FOXP1: variants seen among roughly 807,000 people sequenced by gnomAD.
FOXP1 encodes forkhead box protein P1.
A neutral mutation model predicts 98.2 loss-of-function variants in FOXP1; 15 were observed. The observed-to-expected ratio is 0.15, with a 90% CI of 0.10 to 0.24. FOXP1 has a LOEUF of 0.24. Ranked by LOEUF, FOXP1 falls within the 10% of genes least tolerant of loss-of-function variation. FOXP1 has a pLI of 1.00. For synonymous variants in FOXP1, 371 were observed against 314.5 expected, an observed-to-expected ratio of 1.18 and a Z score of -1.90; for missense variants, 633 against 848.5, an observed-to-expected ratio of 0.75 and a Z score of 3.15.
In FOXP1 at chr3:71,116,795, C is replaced by T. The variant is rs142774277; in HGVS notation, c.181-4158G>A. On this transcript the variant is annotated intron_variant, in intron 6 of 20. Coordinates refer to ENST00000649528, the MANE Select transcript of FOXP1 (RefSeq NM_001349338.3). ...GGTCTAGATTTTAAATTGTCACATGCAAGGAGAGGCAATAAATCCTTAGTG... is the reference window on the plus strand; with the variant it reads ...GGTCTAGATTTTAAATTGTCACATGTAAGGAGAGGCAATAAATCCTTAGTG... 4.1e-3 allele frequency among the ~76,000 whole-genome samples: 624 copies of T among 152,278 alleles called. 5 individuals are homozygous for T. Among genetic ancestry groups the T allele is most frequent in the African/African-American group, 0.014 (601 of 41,564 alleles).
At chr3:71,345,243 C>T (rs1478342956) in intron 4 of FOXP1, among the ~76,000 whole-genome samples, 1 of 152,026 alleles carries the variant, frequency 6.6e-6, no homozygotes, top group Non-Finnish European at 1.5e-5. Flanking sequence ...CAAAAATTCG[C>T]TGGGTGTGGT....
chr3:71,038,051 T>C (rs934206124), intron 11 of FOXP1, among the ~76,000 whole-genome samples: 1 of 152,202 alleles, frequency 6.6e-6, no homozygotes, highest in Non-Finnish European at 1.5e-5. Flanking sequence ...CTTAACAGAT[T>C]GCAGCTCACC....
At chr3:71,214,129 G>C (rs1160193065) in intron 5 of FOXP1, among the ~76,000 whole-genome samples, 2 of 152,236 alleles carry the variant, frequency 1.3e-5, no homozygotes, top group East Asian at 3.9e-4. Context: ...TGCTTGGTGA[G>C]AGGCAAGTCC....
intron 14 of FOXP1, among the ~76,000 whole-genome samples, chr3:70,980,404 T>A (rs1262534888): frequency 6.6e-6 from 1 of 152,170 alleles, no homozygotes; most frequent in African/African-American, 2.4e-5. Flanking sequence ...TTTGTAAAAA[T>A]CATGTTTTAA....
intron 3 of FOXP1, among the ~76,000 whole-genome samples, chr3:71,430,769 T>G (rs941536310): frequency 2.4e-4 from 36 of 152,270 alleles, no homozygotes; most frequent in Middle Eastern, 3.4e-3. Context: ...GAAAAGAGGC[T>G]TAAACTCTGC....
chr3:71,509,893 A>G (rs1238928008), intron 2 of FOXP1, among the ~76,000 whole-genome samples: 1 of 152,124 alleles, frequency 6.6e-6, no homozygotes, highest in Non-Finnish European at 1.5e-5. Flanking sequence ...AAAAGAAGGA[A>G]TCAGGCCAGG....
At chr3:70,976,510 A>G (rs1353631112) in intron 17 of FOXP1, among the ~76,000 whole-genome samples, 1 of 152,230 alleles carries the variant, frequency 6.6e-6, no homozygotes, top group Non-Finnish European at 1.5e-5. Context: ...TTATCCAACC[A>G]TTGAAGGCTG....
intron 3 of FOXP1, among the ~76,000 whole-genome samples, chr3:71,367,330 C>CCT (rs1212468041): frequency 3.9e-5 from 6 of 152,156 alleles, no homozygotes; most frequent in Admixed American, 3.9e-4. Flanking sequence ...ATACACACTC[C>CCT]CTCTCTCTCA....
At chr3:71,095,256 AT>A (rs1156326212) in intron 7 of FOXP1, among the ~76,000 whole-genome samples, 25 of 152,228 alleles carry the variant, frequency 1.6e-4, no homozygotes, top group African/African-American at 5.8e-4. Context: ...GTTAAAAAAA[AT>A]ATTAGACTGC....
chr3:71,386,577 C>T (rs547118379), intron 3 of FOXP1, among the ~76,000 whole-genome samples: 1 of 152,126 alleles, frequency 6.6e-6, no homozygotes, highest in Non-Finnish European at 1.5e-5. Context: ...CCCGTCTCTA[C>T]TAAAAATACA....
intron 2 of FOXP1, among the ~76,000 whole-genome samples, chr3:71,555,686 A>C (rs116682623): frequency 2.8e-3 from 420 of 152,334 alleles, no homozygotes; most frequent in African/African-American, 9.7e-3. Flanking sequence ...CCATGCATAT[A>C]ATCAACACTT....
In FOXP1 at chr3:70,956,071, A is replaced by AT. The variant is rs202105915; in HGVS notation, c.*3175dup. ...ATACAGTAGTTTTTTTTCCAAAGCT[A>AT]TTTTTTTTTAGTATCGTTAATATAA... On this transcript the variant is annotated 3_prime_UTR_variant, in exon 21 of 21. Transcript: ENST00000649528. The AT allele has an allele frequency of 0.014, 3,231 of 230,126 alleles. 97 individuals carry two copies. Among genetic ancestry groups the AT allele is most frequent in the African/African-American group, 0.063 (2,852 of 45,104 alleles). 14.3% of individuals were successfully genotyped at this position (230,126 alleles called of 1,614,324 possible). A position where few individuals can be genotyped will look rare whatever the true frequency, so the allele number is the denominator to read the frequency against.
chr3:70,961,140 A>T (rs2033375674), intron 20 of FOXP1, among the ~76,000 whole-genome samples: 1 of 151,096 alleles, frequency 6.6e-6, no homozygotes, highest in African/African-American at 2.4e-5. Context: ...CTGCTAAAAA[A>T]ATAATTTCTT....
intron 7 of FOXP1, among the ~76,000 whole-genome samples, chr3:71,065,936 C>G (rs191868228): frequency 3.8e-4 from 58 of 152,076 alleles, no homozygotes; most frequent in Non-Finnish European, 2.9e-5. Flanking sequence ...CTAAAAAAAT[C>G]ACCTATTTAC....
At chr3:71,337,942 C>T (rs1022776972) in intron 4 of FOXP1, among the ~76,000 whole-genome samples, 1 of 152,148 alleles carries the variant, frequency 6.6e-6, no homozygotes, top group Admixed American at 6.5e-5. Context: ...ACAAGGAGGA[C>T]GAGGAAGCGC....
In FOXP1 at chr3:71,511,483, G is replaced by A. The variant is rs1451819501; in HGVS notation, c.-297-17928C>T. 2.7e-5 allele frequency among the ~76,000 whole-genome samples: 4 copies of A among 147,736 alleles called. No individual in the cohort carries two copies. In the East Asian group the frequency reaches 7.8e-4, roughly 29 times the overall value. On this transcript the variant is annotated intron_variant, in intron 2 of 20. Coordinates refer to ENST00000649528, the MANE Select transcript of FOXP1 (RefSeq NM_001349338.3). ...GCCACTCCTGATTACAAGTCTACAA[G>A]TTGTAGAATTAATAAAAAAAAAAAA... is the stretch of plus-strand genomic sequence containing the variant.
chr3:71,372,382 A>G (rs937121995), intron 3 of FOXP1, among the ~76,000 whole-genome samples: 3 of 152,140 alleles, frequency 2.0e-5, no homozygotes, highest in African/African-American at 7.2e-5. Flanking sequence ...TTCCCTGGCT[A>G]GACAGGCTTT....
chr3:71,583,304 TCCACCCGCG>T (rs1219838608), intron 1 of FOXP1, among the ~76,000 whole-genome samples: 4 of 151,364 alleles, frequency 2.6e-5, no homozygotes, highest in Non-Finnish European at 5.9e-5. Flanking sequence ...CGGAGCTCCC[TCCACCCGCG>T]CGCCGGCCCG....
At chr3:71,525,336 A>G (rs1158663105) in intron 2 of FOXP1, among the ~76,000 whole-genome samples, 1 of 152,254 alleles carries the variant, frequency 6.6e-6, no homozygotes, top group African/African-American at 2.4e-5. Context: ...GGGCTGCTAC[A>G]AAATATGTGA....
Sources: gnomAD v4.1 joint callset for allele counts (sites outside exome capture counted in the v4.1 genomes callset) on GRCh38, gnomAD v4.1.1 for gene constraint, MANE v1.5 for transcripts, NCBI Gene and HGNC (gene_info 2026-07-23, HGNC 2026-07-21) for gene names.